The following MDH2 variants were observed in gnomAD, a reference collection of about 807,000 sequenced individuals.
The protein encoded by MDH2 is malate dehydrogenase, mitochondrial.
A neutral mutation model predicts 33.6 loss-of-function variants in MDH2; 25 were observed. The observed-to-expected ratio is 0.74, with a 90% CI of 0.54 to 1.04. MDH2 has a LOEUF of 1.04. Ranked by LOEUF, MDH2 falls within the 50% of genes least tolerant of loss-of-function variation. MDH2 has a pLI of 0.00. For missense variants in MDH2, 432 were observed against 445.0 expected (o/e 0.97, Z 0.26); for synonymous variants, 193 against 188.7 (o/e 1.02, Z -0.19).
rs368561351 is a variant in MDH2 at position 76,064,858 on chromosome 7, G to A, written c.790G>A (p.Asp264Asn). The A allele has an allele frequency of 7.4e-6, 12 of 1,614,214 alleles. No homozygotes were observed. In the African/African-American group the frequency reaches 1.3e-4, roughly 18 times the overall value. The change falls in exon 8 of 9, where the codon GAT becomes AAT. Residue 264 changes from aspartate (D) to asparagine (N), a missense_variant. Transcript: ENST00000315758. Reference protein sequence around the residue: ...AGARFVFSLVDAMNGKEGVVE... With the variant: ...AGARFVFSLVNAMNGKEGVVE... ...CGCCCGCTTTGTCTTCTCCCTTGTG[G>A]ATGCAATGAATGGAAAGGAAGGTGT... is the stretch of plus-strand genomic sequence containing the variant.
chr7:76,061,577 C>T (rs1797950249), intron 5 of MDH2, among the ~76,000 whole-genome samples: 1 of 151,882 alleles, frequency 6.6e-6, no homozygotes, highest in Admixed American at 6.6e-5. Context: ...GAGTTCAAGA[C>T]TGCAATGAGC....
intron 1 of MDH2, among the ~76,000 whole-genome samples, chr7:76,051,082 G>T (rs886827849): frequency 6.6e-6 from 1 of 151,736 alleles, no homozygotes; most frequent in Non-Finnish European, 1.5e-5. Context: ...ATGGGGTTTC[G>T]CCATGTTGGC....
In MDH2 at chr7:76,048,126, T is replaced by A; in HGVS notation, c.-35T>A. 1.3e-6 allele frequency: 2 copies of A among 1,536,654 alleles called. No homozygotes were observed. On this transcript the variant is annotated 5_prime_UTR_variant, in exon 1 of 9. Transcript: ENST00000315758. Reference sequence around the variant, plus strand: ...GAGTCACTTCCCCGTCACCAGCTCCTGTGCCTGCCAGTCGGTGCCCCTCCC... The same window carrying A: ...GAGTCACTTCCCCGTCACCAGCTCCAGTGCCTGCCAGTCGGTGCCCCTCCC...
intron 1 of MDH2, 162 bp from the exon 2 acceptor site, chr7:76,054,668 G>A (rs1554585927): frequency 1.2e-6 from 1 of 821,626 alleles, no homozygotes; most frequent in East Asian, 2.5e-5. Flanking sequence ...TTGGAATGAA[G>A]GTCCTGAATT....
In MDH2 at chr7:76,048,981, C is replaced by CGGGGGGTG. The variant is rs1327284045; in HGVS notation, c.66+761_66+762insTGGGGGGG. The CGGGGGGTG allele has an allele frequency of 1.4e-5, 7 of 500,558 alleles. No homozygotes were observed. In the African/African-American group the frequency reaches 3.6e-4, roughly 26 times the overall value. 31.0% of individuals were successfully genotyped at this position (500,558 alleles called of 1,614,324 possible). On this transcript the variant is annotated intron_variant, in intron 1 of 8. Coordinates refer to ENST00000315758, the MANE Select transcript of MDH2 (RefSeq NM_005918.4). ...GGTTCATTGAAGAAGCTTAAGACTG[C>CGGGGGGTG]GGGGGGGGGGGGGGGGGTCCGCATT... is the stretch of plus-strand genomic sequence containing the variant.
intron 2 of MDH2, 103 bp downstream of exon 2, chr7:76,055,101 G>C (rs1797730092): frequency 7.7e-7 from 1 of 1,303,830 alleles, no homozygotes; most frequent in Non-Finnish European, 1.0e-6. Context: ...TTAGAGACGG[G>C]GGTTTCTCTG....
chr7:76,051,798 G>A (rs1027197125), intron 1 of MDH2, among the ~76,000 whole-genome samples: 9 of 152,128 alleles, frequency 5.9e-5, no homozygotes, highest in Admixed American at 1.3e-4. Context: ...AACATATGTC[G>A]GTTTTCAACA....
intron 4 of MDH2, among the ~76,000 whole-genome samples, chr7:76,059,811 A>G (rs975738395): frequency 1.3e-5 from 2 of 152,220 alleles, no homozygotes; most frequent in Non-Finnish European, 2.9e-5. Context: ...CCAGTGCCTA[A>G]TAGAAACCTG....
chr7:76,054,930 A>G lies in MDH2; in HGVS notation c.167A>G (p.Tyr56Cys). 2 of 1,614,028 alleles carry G rather than the reference A, an allele frequency of 1.2e-6. No individual in the cohort carries two copies. The highest frequency in any genetic ancestry group is 1.7e-6 in the Non-Finnish European group (2 of 1,179,936). ...CCCTTGGTGAGCCGCCTGACCCTCT[A>G]TGATATCGCGCACACACCCGGAGTG... ...NSPLVSRLTLYDIAHTPGVAA... is the reference protein window; with the variant it reads ...NSPLVSRLTLCDIAHTPGVAA... Residue 56 changes from tyrosine to cysteine, a missense_variant, in exon 2 of 9, where the codon TAT becomes TGT. Transcript: ENST00000315758.
intron 1 of MDH2, chr7:76,048,434 T>TC: frequency 8.9e-7 from 1 of 1,121,286 alleles, no homozygotes; most frequent in Non-Finnish European, 1.2e-6. Context: ...GGCGAGGTAG[T>TC]CCCGCTCCAG....
At position 76,064,875 on chromosome 7, in the gene MDH2, G is replaced by A. The variant is rs1176165729; in HGVS notation, c.807G>A (p.Lys269=). The A allele has an allele frequency of 6.2e-6, 10 of 1,614,198 alleles. No individual in the cohort carries two copies. Among genetic ancestry groups the A allele is most frequent in the Non-Finnish European group, 8.5e-6 (10 of 1,180,030 alleles). The change falls in exon 8 of 9, where the codon AAG becomes AAA. Residue 269 remains lysine, a synonymous_variant. Coordinates refer to ENST00000315758, the MANE Select transcript of MDH2 (RefSeq NM_005918.4). ...VFSLVDAMNG[K]EGVVECSFVK... ...CCCTTGTGGATGCAATGAATGGAAA[G>A]GAAGGTGTTGTGGAATGTTCCTTCG...
chr7:76,065,304 T>C (rs1323388176), intron 8 of MDH2: 3 of 197,376 alleles, frequency 1.5e-5, no homozygotes, highest in African/African-American at 4.6e-5. Context: ...TTGTTCTGAC[T>C]GCGGGGGGCG....
At chr7:76,049,202 T>C (rs1797500771) in intron 1 of MDH2, among the ~76,000 whole-genome samples, 1 of 152,150 alleles carries the variant, frequency 6.6e-6, no homozygotes, top group Admixed American at 6.5e-5. Flanking sequence ...CTACTTCCCA[T>C]ACCCATCGCA....
intron 2 of MDH2, among the ~76,000 whole-genome samples, chr7:76,055,625 T>A (rs1554586160): frequency 6.6e-6 from 1 of 151,304 alleles, no homozygotes; most frequent in African/African-American, 2.4e-5. Flanking sequence ...TGGTCCCAGC[T>A]ACTTGGGAGG....
chr7:76,052,232 C>T (rs1262004159), intron 1 of MDH2, among the ~76,000 whole-genome samples: 4 of 152,028 alleles, frequency 2.6e-5, no homozygotes, highest in African/African-American at 9.7e-5. Context: ...CCTATAATCC[C>T]AGCACTTGAG....
chr7:76,048,253 G>A (rs1797386806), intron 1 of MDH2, 27 bp downstream of exon 1: 6 of 1,529,380 alleles, frequency 3.9e-6, no homozygotes, highest in Non-Finnish European at 5.2e-6. Context: ...GCGGCCTGCA[G>A]GCGGAGGCCC....
chr7:76,061,805 C>T (rs1371674210), intron 5 of MDH2, among the ~76,000 whole-genome samples: 6 of 152,186 alleles, frequency 3.9e-5, no homozygotes, highest in Non-Finnish European at 4.4e-5. Context: ...AGTTCATTCT[C>T]GTGGGCTCTC....
chr7:76,049,591 AAG>A (rs782480577), intron 1 of MDH2, among the ~76,000 whole-genome samples: 1 of 152,102 alleles, frequency 6.6e-6, no homozygotes, highest in South Asian at 2.1e-4. Flanking sequence ...CAGCCAACCA[AAG>A]AGAGGACAGG....
chr7:76,050,904 G>A (rs112055272), intron 1 of MDH2, among the ~76,000 whole-genome samples: 5 of 152,214 alleles, frequency 3.3e-5, no homozygotes, highest in African/African-American at 9.6e-5. Context: ...TTTATTTACT[G>A]AGAGTCTCGC....
Sources: allele counts gnomAD v4.1 joint callset (sites outside exome capture counted in the v4.1 genomes callset), GRCh38; gene constraint gnomAD v4.1.1; transcripts MANE v1.5; gene names NCBI Gene and HGNC (gene_info 2026-07-23, HGNC 2026-07-21).